Variants in KALRN observed in about 807,000 individuals in gnomAD.
The protein encoded by KALRN is kalirin RhoGEF kinase.
KALRN carries 70 observed loss-of-function variants against 353.7 expected under a neutral mutation model. The ratio of observed to expected loss-of-function variants is 0.20; its 90% CI spans 0.16 to 0.24. The LOEUF (loss-of-function observed/expected upper bound fraction) is 0.24, where lower values mean the gene tolerates loss of function less well. Ranked by LOEUF, KALRN falls within the 10% of genes least tolerant of loss-of-function variation. The pLI is 1.00. For missense variants in KALRN, 2,791 were observed against 3,756.7 expected (o/e 0.74, Z 6.72); for synonymous variants, 1,391 against 1,434.8 (o/e 0.97, Z 0.69).
intron 3 of KALRN, among the ~76,000 whole-genome samples, chr3:124,235,835 G>T (rs1302724752): frequency 6.6e-6 from 1 of 152,218 alleles, no homozygotes. Context: ...TCTTGTCTCT[G>T]TGCATTTTAT....
Position 124,518,517 on chromosome 3 carries a change from G to C in KALRN, c.4935+22104G>C, listed in dbSNP as rs2066884000. The C allele has an allele frequency of 1.9e-6, 3 of 1,612,888 alleles. No individual in the cohort carries two copies. In the South Asian group the frequency reaches 3.3e-5, roughly 18 times the overall value. On this transcript the variant is annotated intron_variant, in intron 33 of 59. Coordinates refer to ENST00000682506, the MANE Select transcript of KALRN (RefSeq NM_001388419.1). Reference sequence around the variant, plus strand: ...CACCGGGTTAGCCGTGGCACCGTTGGGACCTCCCACCAGGACTCCAATCAC... The same window carrying C: ...CACCGGGTTAGCCGTGGCACCGTTGCGACCTCCCACCAGGACTCCAATCAC...
At chr3:124,425,969 A>T (rs77595168) in intron 15 of KALRN, among the ~76,000 whole-genome samples, 6,084 of 152,234 alleles carry the variant, frequency 0.04, 429 homozygotes, top group African/African-American at 0.14. Flanking sequence ...CCTTATTTCT[A>T]CCATGACAAA....
chr3:124,052,030 G>T (rs1387209533), intron 1 of KALRN, among the ~76,000 whole-genome samples: 3 of 152,190 alleles, frequency 2.0e-5, no homozygotes, highest in African/African-American at 2.4e-5. Flanking sequence ...GATAGCAGGT[G>T]GGGGGACAGG....
chr3:124,499,407 T>C (rs1327622586), intron 33 of KALRN, among the ~76,000 whole-genome samples: 2 of 152,220 alleles, frequency 1.3e-5, no homozygotes, highest in Non-Finnish European at 2.9e-5. Context: ...ACATAAAATA[T>C]TTGCTTGATA....
Position 124,234,935 on chromosome 3 carries a change from C to T in KALRN, c.255C>T (p.Ser85=), listed in dbSNP as rs574386011. The change falls in exon 3 of 60, where the codon AGC becomes AGT. Residue 85 remains serine, a synonymous_variant. Coordinates refer to ENST00000682506, the MANE Select transcript of KALRN (RefSeq NM_001388419.1). ...GGAAACTCGTGACGTATTTGGCCAG[C>T]GTGCCAAGGTAAGGGGAAGGGGAAT... ...DLRKLVTYLA[S]VPSEDVCKRG... The T allele has an allele frequency of 1.1e-4, 177 of 1,598,400 alleles. 2 individuals carry two copies. In the South Asian group the frequency reaches 1.4e-3, roughly 13 times the overall value.
At chr3:124,454,620 C>T (rs78106643) in intron 21 of KALRN, among the ~76,000 whole-genome samples, 2,394 of 152,140 alleles carry the variant, frequency 0.016, 82 homozygotes, top group East Asian at 0.083. Flanking sequence ...ATCAGCCCTC[C>T]GTATCTACAG....
chr3:124,108,702 C>A (rs759978190), intron 1 of KALRN, among the ~76,000 whole-genome samples: 14 of 152,222 alleles, frequency 9.2e-5, no homozygotes, highest in Non-Finnish European at 1.9e-4. Flanking sequence ...ATGATGATCA[C>A]AGCTCTCTAC....
chr3:124,176,141 T>C (rs2072705930), intron 1 of KALRN, among the ~76,000 whole-genome samples: 1 of 152,106 alleles, frequency 6.6e-6, no homozygotes, highest in Non-Finnish European at 1.5e-5. Flanking sequence ...GGCATTACTC[T>C]TTTTTAGCTT....
At chr3:124,474,530 C>A (rs1311390462) in intron 25 of KALRN, 133 bp from the exon 26 acceptor site, 9 of 678,746 alleles carry the variant, frequency 1.3e-5, no homozygotes, top group Non-Finnish European at 2.4e-5. Context: ...CTGCACCTCA[C>A]CATCTATCAC....
At chr3:124,629,386 AC>A (rs199613459) in intron 34 of KALRN, among the ~76,000 whole-genome samples, 2 of 151,320 alleles carry the variant, frequency 1.3e-5, no homozygotes, top group Admixed American at 1.3e-4. Flanking sequence ...AACAACAACA[AC>A]AAAAAAAACT....
At chr3:124,648,062 G>A (rs889528979) in intron 37 of KALRN, among the ~76,000 whole-genome samples, 4 of 152,184 alleles carry the variant, frequency 2.6e-5, no homozygotes, top group African/African-American at 9.7e-5. Flanking sequence ...GCAGAAACCT[G>A]GCCACCACTG....
chr3:124,128,823 A>G (rs780214570), intron 1 of KALRN, among the ~76,000 whole-genome samples: 5 of 151,928 alleles, frequency 3.3e-5, no homozygotes, highest in Admixed American at 6.5e-5. Context: ...GTCCTTTTCA[A>G]CTGGTCCTGA....
chr3:124,041,959 A>G (rs181132307), intron 1 of KALRN, among the ~76,000 whole-genome samples: 38 of 152,314 alleles, frequency 2.5e-4, no homozygotes, highest in African/African-American at 8.9e-4. Context: ...GCCCTATGAC[A>G]TTATTAGAAG....
intron 6 of KALRN, among the ~76,000 whole-genome samples, chr3:124,306,568 A>G (rs1271736693): frequency 6.6e-6 from 1 of 152,170 alleles, no homozygotes; most frequent in Non-Finnish European, 1.5e-5. Context: ...AAGAAACAGA[A>G]AAAAATTATT....
chr3:124,524,525 A>T (rs1351665916), intron 33 of KALRN, among the ~76,000 whole-genome samples: 1 of 152,164 alleles, frequency 6.6e-6, no homozygotes. Flanking sequence ...TGAGCTTTAG[A>T]CTCCAAAGTG....
At chr3:124,165,685 G>C (rs1263938825) in intron 1 of KALRN, among the ~76,000 whole-genome samples, 1 of 152,140 alleles carries the variant, frequency 6.6e-6, no homozygotes, top group Non-Finnish European at 1.5e-5. Flanking sequence ...CCTGTACTTT[G>C]TAATGGCCTG....
At chr3:124,541,586 T>G (rs1014855281) in intron 33 of KALRN, among the ~76,000 whole-genome samples, 1 of 151,998 alleles carries the variant, frequency 6.6e-6, no homozygotes, top group African/African-American at 2.4e-5. Context: ...AAAAGAGCTC[T>G]CTCAAGATAA....
chr3:124,217,224 T>C (rs555860758), intron 1 of KALRN, among the ~76,000 whole-genome samples: 1 of 152,372 alleles, frequency 6.6e-6, no homozygotes, highest in African/African-American at 2.4e-5. Context: ...GTACCCACAG[T>C]AATTGTAACT....
At chr3:124,268,639 G>C in intron 4 of KALRN, 104 bp from the exon 5 acceptor site, 1 of 1,220,216 alleles carries the variant, frequency 8.2e-7, no homozygotes, top group Non-Finnish European at 1.2e-6. Context: ...GGCAGGCTGT[G>C]GTCATTATTA....
Sources: allele counts gnomAD v4.1 joint callset (sites outside exome capture counted in the v4.1 genomes callset), GRCh38; gene constraint gnomAD v4.1.1; transcripts MANE v1.5; gene names NCBI Gene and HGNC (gene_info 2026-07-23, HGNC 2026-07-21).